Variants in TRIP13 observed in about 807,000 individuals in gnomAD.
TRIP13 encodes pachytene checkpoint protein 2 homolog.
Under a neutral mutation model 54.4 loss-of-function variants are expected in TRIP13, and 25 were observed. The observed-to-expected ratio is 0.46, with a 90% CI of 0.33 to 0.64. TRIP13 has a LOEUF of 0.64. TRIP13 is among the 30% of genes least tolerant of loss of function. The pLI is 0.02. For missense variants in TRIP13, 373 were observed against 534.2 expected (o/e 0.70, Z 2.97); for synonymous variants, 207 against 207.8 (o/e 1.00, Z 0.03).
In TRIP13 at chr5:894,878, G is replaced by C. The variant is rs754767214; in HGVS notation, c.184G>C (p.Asp62His). Residue 62 changes from aspartate (D) to histidine (H), a missense_variant, in exon 2 of 13, where the codon GAT (aspartate) becomes CAT (histidine). By Grantham distance (81) the Asp-to-His change is moderately conservative. This residue lies in a region of TRIP13 where 151 missense variants were observed against 151.9 expected (regional missense o/e 0.99). Transcript: ENST00000166345. Reference sequence around the variant, plus strand: ...TGGTGATTACACATGGACTGAGTTTGATGAACCTTTTTTGACCAGAAATGT... The same window carrying C: ...TGGTGATTACACATGGACTGAGTTTCATGAACCTTTTTTGACCAGAAATGT... ...VFGDYTWTEFDEPFLTRNVQS... is the reference protein window; with the variant it reads ...VFGDYTWTEFHEPFLTRNVQS... The C allele has an allele frequency of 6.2e-7, 1 of 1,614,054 alleles. No homozygotes were observed. The highest frequency in any genetic ancestry group is 8.5e-7 in the Non-Finnish European group (1 of 1,179,990).
In TRIP13 at chr5:893,107, C is replaced by G. The variant is rs752105824; in HGVS notation, c.92+17C>G. The G allele has an allele frequency of 2.5e-6, 4 of 1,575,086 alleles. No individual in the cohort carries two copies. The South Asian group carries it at 3.5e-5, about 14-fold the overall frequency. On this transcript the variant is annotated intron_variant, in intron 1 of 12. Coordinates refer to ENST00000166345, the MANE Select transcript of TRIP13 (RefSeq NM_004237.4). Reference sequence around the variant, plus strand: ...CGGCAGCAGGTGAGCCGGACCTGTCCGACACATCCTCTGGGCACCCACCCG... The same window carrying G: ...CGGCAGCAGGTGAGCCGGACCTGTCGGACACATCCTCTGGGCACCCACCCG...
chr5:917,735 G>C lies in TRIP13; in HGVS notation c.*632G>C, dbSNP rs369706222. ...CATTTGCAGGAAAAGTGCAGACTCT[G>C]AGTGTTCCAGGGAAACACATGCTGG... On this transcript the variant is annotated 3_prime_UTR_variant, in exon 13 of 13. Coordinates refer to ENST00000166345, the MANE Select transcript of TRIP13 (RefSeq NM_004237.4). 6.6e-5 allele frequency: 10 copies of C among 152,232 alleles called. No homozygotes were observed. In the East Asian group the frequency reaches 1.9e-3, roughly 29 times the overall value. 9.4% of individuals were successfully genotyped at this position (152,232 alleles called of 1,614,324 possible). A position where few individuals can be genotyped will look rare whatever the true frequency, so the allele number is the denominator to read the frequency against.
intron 2 of TRIP13, among the ~76,000 whole-genome samples, chr5:895,834 TG>T (rs1233218281): frequency 6.6e-6 from 1 of 152,172 alleles, no homozygotes; most frequent in Non-Finnish European, 1.5e-5. Context: ...AACAGATGTT[TG>T]TTAGATGCTG....
Position 911,796 on chromosome 5 carries a change from C to A in TRIP13, c.867-47C>A. The A allele has an allele frequency of 6.3e-7, 1 of 1,575,108 alleles. No individual in the cohort carries two copies. The highest frequency in any genetic ancestry group is 1.2e-5 in the South Asian group (1 of 86,626). The stretch of plus-strand genomic sequence containing the variant: ...CAGATAGGGCAGGATAGAATTGGGT[C>A]ACCGACAGCCGTGATGACTGTGGTG... On this transcript the variant is annotated intron_variant, in intron 9 of 12. Coordinates refer to ENST00000166345, the MANE Select transcript of TRIP13 (RefSeq NM_004237.4). This position sits in a 1 kb window ranked among gnomAD's most constrained non-coding sequence, Gnocchi z 4.7.
chr5:900,498 A>G lies in TRIP13; in HGVS notation c.393A>G (p.Glu131=). Residue 131 remains glutamate, a synonymous_variant, in exon 4 of 13, where the codon GAA becomes GAG. Transcript: ENST00000166345. ...CTTTGTTTAATTCTGTCACAGCTGA[A>G]TTCCATGGGCTTTGGGACAGCTTGG... ...AANHWVLPAA[E]FHGLWDSLVY... 4 of 1,612,324 alleles carry G rather than the reference A, an allele frequency of 2.5e-6. No homozygotes were observed. Among genetic ancestry groups the G allele is most frequent in the Middle Eastern group, 1.7e-4 (1 of 6,058 alleles).
intron 9 of TRIP13, among the ~76,000 whole-genome samples, chr5:909,932 AACCT>A (rs1275068943): frequency 1.8e-4 from 28 of 152,248 alleles, no homozygotes; most frequent in Non-Finnish European, 3.5e-4. Context: ...GTAAACCGAC[AACCT>A]TCTAGTGTGG....
chr5:904,191 C>G lies in TRIP13; in HGVS notation c.579C>G (p.Ala193=), dbSNP rs1027007438. The change falls in exon 6 of 13, where the codon GCC becomes GCG. Residue 193 remains alanine, a synonymous_variant. Transcript: ENST00000166345. ...AAACATCCCTGTGTAAAGCGTTAGC[C>G]CAGAAATTGACAATTAGACTTTCAA... ...TGKTSLCKAL[A]QKLTIRLSSR... 6.2e-7 allele frequency: 1 copy of G among 1,609,326 alleles called. No individual in the cohort carries two copies. Among genetic ancestry groups the G allele is most frequent in the Non-Finnish European group, 8.5e-7 (1 of 1,178,498 alleles).
chr5:914,001 A>C (rs1754293790), intron 10 of TRIP13, among the ~76,000 whole-genome samples: 1 of 152,172 alleles, frequency 6.6e-6, no homozygotes, highest in South Asian at 2.1e-4. Flanking sequence ...AGACACTGTC[A>C]TGCTGCCAAA....
chr5:892,949 G>A lies in TRIP13; in HGVS notation c.-50G>A, dbSNP rs1753692027. The A allele has an allele frequency of 7.0e-7, 1 of 1,426,026 alleles. No homozygotes were observed. The allele number at this position is 1,426,026 out of a possible 1,614,324, so 88.3% of individuals were successfully genotyped here. A position where few individuals can be genotyped will look rare whatever the true frequency, so the allele number is the denominator to read the frequency against. On this transcript the variant is annotated 5_prime_UTR_variant, in exon 1 of 13. Coordinates refer to ENST00000166345, the MANE Select transcript of TRIP13 (RefSeq NM_004237.4). ...GCTGTGGCGGCGACGCTGGGCGTGA[G>A]GTGGCGGCGGCCGCGCCCTGGTTGG... is the stretch of plus-strand genomic sequence containing the variant.
At chr5:894,695 T>A in intron 1 of TRIP13, 92 bp from the exon 2 acceptor site, 1 of 1,426,226 alleles carries the variant, frequency 7.0e-7, no homozygotes, top group African/African-American at 1.4e-5. Context: ...CTGGGCTTTC[T>A]TATGTATTGT....
chr5:904,885 C>G (rs576564475), intron 6 of TRIP13, among the ~76,000 whole-genome samples: 234 of 152,262 alleles, frequency 1.5e-3, no homozygotes, highest in African/African-American at 5.0e-3. Context: ...TCTTGAACAA[C>G]CCCATAATAG....
At chr5:896,942 C>A (rs1753930219) in intron 3 of TRIP13, 148 bp downstream of exon 3, 2 of 1,004,046 alleles carry the variant, frequency 2.0e-6, no homozygotes, top group South Asian at 1.8e-5. Context: ...GAAAGTATAT[C>A]ACAAAAGAGG....
chr5:907,277 G>A lies in TRIP13; in HGVS notation c.672+84G>A. 1 of 1,225,064 alleles carries A rather than the reference G, an allele frequency of 8.2e-7. No individual in the cohort carries two copies. Among genetic ancestry groups the A allele is most frequent in the African/African-American group, 1.5e-5 (1 of 66,748 alleles). 75.9% of individuals were successfully genotyped at this position (1,225,064 alleles called of 1,614,324 possible). A position where few individuals can be genotyped will look rare whatever the true frequency, so the allele number is the denominator to read the frequency against. On this transcript the variant is annotated intron_variant, in intron 7 of 12. Transcript: ENST00000166345. The surrounding 1 kb of genome is among the most constrained non-coding windows in gnomAD (Gnocchi z 4.1). ...ATGTTAGGCAAATCCTCCTCCAGAAGCTTCAGGAGAGAACTGGGTGGGAAG... is the reference window on the plus strand; with the variant it reads ...ATGTTAGGCAAATCCTCCTCCAGAAACTTCAGGAGAGAACTGGGTGGGAAG...
At position 894,829 on chromosome 5, in the gene TRIP13, A is replaced by G. The variant is rs1753880988; in HGVS notation, c.135A>G (p.Leu45=). Residue 45 remains leucine (L), a synonymous_variant, in exon 2 of 13, where the codon CTA becomes CTG. Transcript: ENST00000166345. ...ACATAAACCTGAGTGTTAGAAAGCT[A>G]CTCAACAGACATAATATTGTGTTTG... ...KEDINLSVRK[L]LNRHNIVFGD... is the part of the protein sequence containing the mutation. 1 of 1,613,042 alleles carries G rather than the reference A, an allele frequency of 6.2e-7. No individual in the cohort carries two copies. The highest frequency in any genetic ancestry group is 8.5e-7 in the Non-Finnish European group (1 of 1,179,710).
chr5:903,705 A>G (rs1356230004), intron 5 of TRIP13, among the ~76,000 whole-genome samples: 1 of 152,120 alleles, frequency 6.6e-6, no homozygotes, highest in Admixed American at 6.6e-5. Flanking sequence ...GGCAACAGGA[A>G]TAACACATGA....
chr5:906,695 GTGTT>G (rs1754122183), intron 6 of TRIP13, among the ~76,000 whole-genome samples: 1 of 152,178 alleles, frequency 6.6e-6, no homozygotes, highest in Non-Finnish European at 1.5e-5. Flanking sequence ...CAGTCTGTGT[GTGTT>G]AAGGTTAACT....
At position 901,421 on chromosome 5, in the gene TRIP13, G is replaced by A; in HGVS notation, c.525G>A (p.Val175=). The change falls in exon 5 of 13, where the codon GTG becomes GTA. Residue 175 remains valine (V), a synonymous_variant. Transcript: ENST00000166345. ...NSNLITWNRV[V]LLHGPPGTGK... is the part of the protein sequence containing the mutation. ...ACCTCATCACCTGGAACCGGGTGGTGCTGCTCCACGGTAAATTATGCAGGC... is the reference window on the plus strand; with the variant it reads ...ACCTCATCACCTGGAACCGGGTGGTACTGCTCCACGGTAAATTATGCAGGC... 1.9e-6 allele frequency: 3 copies of A among 1,614,092 alleles called. No homozygotes were observed. The highest frequency in any genetic ancestry group is 1.7e-6 in the Non-Finnish European group (2 of 1,179,996).
Position 894,937 on chromosome 5 carries a change from G to A in TRIP13, c.243G>A (p.Lys81=). Residue 81 remains lysine, a synonymous_variant, in exon 2 of 13, where the codon AAG becomes AAA. Transcript: ENST00000166345. ...QSVSIIDTEL[K]VKDSQPIDLS... is the part of the protein sequence containing the mutation. ...TGTCTATTATTGACACAGAATTAAA[G>A]GTTAAAGACTCACAGGTAAGTTACT... The A allele has an allele frequency of 5.6e-6, 9 of 1,607,968 alleles. No homozygotes were observed. Among genetic ancestry groups the A allele is most frequent in the Non-Finnish European group, 7.6e-6 (9 of 1,178,262 alleles).
In TRIP13 at chr5:907,112, T is replaced by C. The variant is rs766773861; in HGVS notation, c.609-18T>C. On this transcript the variant is annotated intron_variant, in intron 6 of 12. Coordinates refer to ENST00000166345, the MANE Select transcript of TRIP13 (RefSeq NM_004237.4). This position sits in a 1 kb window ranked among gnomAD's most constrained non-coding sequence, Gnocchi z 4.1. ...AGGACCAGTTAGTAATTCTCTCAAC[T>C]CCTTTTTTCTATCTCAGGTACCGAT... The C allele has an allele frequency of 1.2e-6, 2 of 1,612,764 alleles. No individual in the cohort carries two copies. The highest frequency in any genetic ancestry group is 1.7e-5 in the Admixed American group (1 of 59,992).
Sources: gnomAD v4.1 joint callset for allele counts (sites outside exome capture counted in the v4.1 genomes callset) on GRCh38, gnomAD v4.1.1 for gene constraint, gnomAD v4.1.1 regional missense constraint, Gnocchi (gnomAD v3.1) non-coding constraint, MANE v1.5 for transcripts, NCBI Gene and HGNC (gene_info 2026-07-23, HGNC 2026-07-21) for gene names.